Variants in XPR1 observed in about 807,000 individuals in gnomAD.
The protein encoded by XPR1 is xenotropic and polytropic retrovirus receptor 1.
A neutral mutation model predicts 87.5 loss-of-function variants in XPR1; 28 were observed. The ratio of observed to expected loss-of-function variants is 0.32; its 90% CI spans 0.24 to 0.44. XPR1 has a LOEUF of 0.44. Ranked by LOEUF, XPR1 falls within the 20% of genes least tolerant of loss-of-function variation. The pLI, the probability that XPR1 is intolerant of heterozygous loss-of-function variation, is 1.00. For synonymous variants in XPR1, 300 were observed against 306.1 expected (o/e 0.98, Z 0.21); for missense variants, 559 against 862.3 (o/e 0.65, Z 4.41).
chr1:180,731,415 G>A (rs886958627), intron 2 of XPR1, among the ~76,000 whole-genome samples: 1 of 152,138 alleles, frequency 6.6e-6, no homozygotes, highest in African/African-American at 2.4e-5. Context: ...GGGAAAAAAT[G>A]TAACAATATG....
chr1:180,797,177 A>G (rs1288526852), intron 3 of XPR1, among the ~76,000 whole-genome samples: 5 of 152,214 alleles, frequency 3.3e-5, no homozygotes, highest in Non-Finnish European at 7.3e-5. Context: ...TTATACCTCA[A>G]ACAAATTATT....
intron 2 of XPR1, among the ~76,000 whole-genome samples, chr1:180,710,576 A>G (rs962566028): frequency 9.9e-5 from 15 of 152,146 alleles, no homozygotes; most frequent in Non-Finnish European, 1.6e-4. Flanking sequence ...TACAGAACAA[A>G]ATGGAGTCTC....
chr1:180,840,570 A>ATGTG (rs1651474154), intron 11 of XPR1, among the ~76,000 whole-genome samples: 1 of 113,572 alleles, frequency 8.8e-6, no homozygotes, highest in African/African-American at 3.4e-5. Flanking sequence ...GTGTGTGTAT[A>ATGTG]TATATATATA....
intron 1 of XPR1, among the ~76,000 whole-genome samples, chr1:180,678,103 A>G (rs938941214): frequency 6.6e-6 from 1 of 152,248 alleles, no homozygotes; most frequent in Non-Finnish European, 1.5e-5. Flanking sequence ...CCTAATGGAG[A>G]GATGCATAGT....
chr1:180,743,214 CTT>C (rs545224438), intron 2 of XPR1, among the ~76,000 whole-genome samples: 1 of 131,416 alleles, frequency 7.6e-6, no homozygotes. Flanking sequence ...TTCATTTTCC[CTT>C]TTTTTTTTGG....
chr1:180,698,156 T>C (rs1010833694), intron 2 of XPR1, among the ~76,000 whole-genome samples: 2 of 152,192 alleles, frequency 1.3e-5, no homozygotes, highest in African/African-American at 2.4e-5. Context: ...TACATCTTCT[T>C]GCTGAATTGA....
At chr1:180,827,942 T>A (rs962712737) in intron 9 of XPR1, among the ~76,000 whole-genome samples, 2 of 151,240 alleles carry the variant, frequency 1.3e-5, no homozygotes, top group African/African-American at 4.9e-5. Context: ...AGTGGCGTGA[T>A]CTCAGCTCAC....
chr1:180,819,611 A>C (rs1650537651), intron 7 of XPR1, among the ~76,000 whole-genome samples: 1 of 152,236 alleles, frequency 6.6e-6, no homozygotes, highest in South Asian at 2.1e-4. Context: ...TTTGAACCCT[A>C]AGCAGGCTAT....
intron 2 of XPR1, among the ~76,000 whole-genome samples, chr1:180,685,773 G>A (rs1016526136): frequency 3.2e-4 from 49 of 152,204 alleles, no homozygotes; most frequent in African/African-American, 9.9e-4. Flanking sequence ...GTTTATGTGC[G>A]TAGAGGTGTT....
Position 180,662,860 on chromosome 1 carries a change from G to A in XPR1, c.70-19500G>A, listed in dbSNP as rs1410110473. Among the ~76,000 whole-genome samples the A allele has an allele frequency of 2.0e-5, 3 of 151,860 alleles. 1 individual carries two copies. Among genetic ancestry groups the A allele is most frequent in the Admixed American group, 1.3e-4 (2 of 15,242 alleles). ...TCTTCTGACTGTGTGTTTACAAATA[G>A]CCTGTCTTTAAGCTCACTATTTTTT... On this transcript the variant is annotated intron_variant, in intron 1 of 14. Coordinates refer to ENST00000367590, the MANE Select transcript of XPR1 (RefSeq NM_004736.4).
At chr1:180,783,046 CTGTAAA>C (rs1166836825) in intron 2 of XPR1, among the ~76,000 whole-genome samples, 1 of 152,040 alleles carries the variant, frequency 6.6e-6, no homozygotes, top group Admixed American at 6.6e-5. Context: ...AATTGATGTT[CTGTAAA>C]TGAGCATTCT....
chr1:180,708,769 G>A (rs1571749473), intron 2 of XPR1, among the ~76,000 whole-genome samples: 1 of 151,918 alleles, frequency 6.6e-6, no homozygotes, highest in East Asian at 1.9e-4. Flanking sequence ...AATTTTTTAT[G>A]TTGTAAAGTT....
intron 10 of XPR1, 34 bp from the exon 11 acceptor site, chr1:180,836,488 C>A (rs1287703639): frequency 6.2e-7 from 1 of 1,609,358 alleles, no homozygotes; most frequent in African/African-American, 1.3e-5. Flanking sequence ...TACTTTTTTT[C>A]AATGGTAATT....
intron 1 of XPR1, among the ~76,000 whole-genome samples, chr1:180,650,235 A>C (rs1013005876): frequency 6.6e-6 from 1 of 151,100 alleles, no homozygotes; most frequent in Non-Finnish European, 1.5e-5. Flanking sequence ...CGTCCCCCCA[A>C]CTTTTTTTTT....
At chr1:180,764,791 T>TTA (rs1481414979) in intron 2 of XPR1, among the ~76,000 whole-genome samples, 1 of 143,964 alleles carries the variant, frequency 6.9e-6, no homozygotes, top group African/African-American at 2.6e-5. Flanking sequence ...TTTTTTTCTT[T>TTA]TTTTTTTTTT....
At chr1:180,768,245 C>T (rs1402758623) in intron 2 of XPR1, among the ~76,000 whole-genome samples, 1 of 151,578 alleles carries the variant, frequency 6.6e-6, no homozygotes, top group Non-Finnish European at 1.5e-5. Context: ...AGTTTGAGTG[C>T]TGTGTCAATT....
intron 2 of XPR1, among the ~76,000 whole-genome samples, chr1:180,685,293 G>T (rs1311898976): frequency 1.3e-5 from 2 of 152,156 alleles, no homozygotes; most frequent in Admixed American, 1.3e-4. Context: ...TACATTTATT[G>T]ATTTGCGTAT....
chr1:180,820,960 G>A (rs757808420), intron 7 of XPR1, among the ~76,000 whole-genome samples: 8 of 151,218 alleles, frequency 5.3e-5, no homozygotes, highest in Non-Finnish European at 8.8e-5. Flanking sequence ...ATGTGTTCTA[G>A]ATACTAGACC....
At chr1:180,814,174 C>T (rs1395384689) in intron 7 of XPR1, among the ~76,000 whole-genome samples, 1 of 152,070 alleles carries the variant, frequency 6.6e-6, no homozygotes, top group Admixed American at 6.5e-5. Context: ...ATTGTAATGG[C>T]TTTTAGAGAA....
Sources: allele counts gnomAD v4.1 joint callset (sites outside exome capture counted in the v4.1 genomes callset), GRCh38; gene constraint gnomAD v4.1.1; transcripts MANE v1.5; gene names NCBI Gene and HGNC (gene_info 2026-07-23, HGNC 2026-07-21).